The following FBXL14 variants were observed in gnomAD, a reference collection of about 807,000 sequenced individuals.
FBXL14 encodes F-box and leucine rich repeat protein 14, also known as F-box/LRR-repeat protein 14.
In FBXL14, 11 loss-of-function variants were observed where a neutral mutation model predicts 24.5. The ratio of observed to expected loss-of-function variants is 0.45; its 90% CI spans 0.28 to 0.74. The LOEUF (loss-of-function observed/expected upper bound fraction) is 0.74. FBXL14 is among the 30% of genes least tolerant of loss of function. The pLI, the probability that FBXL14 is intolerant of heterozygous loss-of-function variation, is 0.12. For synonymous variants in FBXL14, 294 were observed against 240.4 expected, an observed-to-expected ratio of 1.22 and a Z score of -2.06; for missense variants, 384 against 545.6, an observed-to-expected ratio of 0.70 and a Z score of 2.95.
chr12:1,580,398 C>G (rs1183923296), intron 1 of FBXL14, among the ~76,000 whole-genome samples: 1 of 152,154 alleles, frequency 6.6e-6, no homozygotes, highest in Admixed American at 6.5e-5. Flanking sequence ...CTCTCTACAT[C>G]TTTTTGAAGC....
chr12:1,569,394 GTTC>G lies in FBXL14; in HGVS notation c.1195-2587_1195-2585del, dbSNP rs2094441382. On this transcript the variant is annotated intron_variant, in intron 1 of 1. Coordinates refer to ENST00000339235, the MANE Select transcript of FBXL14 (RefSeq NM_152441.3). This position sits in a 1 kb window ranked among gnomAD's most constrained non-coding sequence, Gnocchi z 4.2. ...CATATGCTAAATAAGAAACCACTTC[GTTC>G]TTTTTTTTTTTTTTTTTGTCTGAGA... 2.2e-5 allele frequency among the ~76,000 whole-genome samples: 3 copies of G among 139,280 alleles called. No individual in the cohort carries two copies. Among genetic ancestry groups the G allele is most frequent in the Admixed American group, 1.5e-4 (2 of 13,744 alleles). 91.4% of individuals were successfully genotyped at this position (139,280 alleles called of 152,430 possible). A position where few individuals can be genotyped will look rare whatever the true frequency, so the allele number is the denominator to read the frequency against.
chr12:1,568,337 TA>T (rs750342401), intron 1 of FBXL14, among the ~76,000 whole-genome samples: 7 of 152,100 alleles, frequency 4.6e-5, no homozygotes, highest in Non-Finnish European at 2.9e-5. Flanking sequence ...TAAAGGAGAA[TA>T]AAGACTTTTT....
At chr12:1,571,397 G>A (rs1018748403) in intron 1 of FBXL14, among the ~76,000 whole-genome samples, 3 of 152,078 alleles carry the variant, frequency 2.0e-5, no homozygotes, top group Admixed American at 6.6e-5. Context: ...TAGTAGAGAC[G>A]GGGTTTCTCC....
intron 1 of FBXL14, among the ~76,000 whole-genome samples, chr12:1,590,607 A>C (rs750579413): frequency 6.6e-6 from 1 of 152,150 alleles, no homozygotes; most frequent in Non-Finnish European, 1.5e-5. Flanking sequence ...GTATTTCATT[A>C]ATCTGCCCCG....
Position 1,594,114 on chromosome 12 carries a change from C to A in FBXL14, c.-48G>T. On this transcript the variant is annotated 5_prime_UTR_variant, in exon 1 of 2. Coordinates refer to ENST00000339235, the MANE Select transcript of FBXL14 (RefSeq NM_152441.3). ...CGCTGGGGGGAGGAGGCGCGGGCCC[C>A]GCCGCTCCGGCCTCGGGCAGGCGAC... The A allele has an allele frequency of 1.4e-5, 19 of 1,316,204 alleles. No homozygotes were observed. Among genetic ancestry groups the A allele is most frequent in the Non-Finnish European group, 1.6e-5 (17 of 1,036,026 alleles). 81.5% of individuals were successfully genotyped at this position (1,316,204 alleles called of 1,614,324 possible).
chr12:1,589,064 C>T (rs1772563985), intron 1 of FBXL14, among the ~76,000 whole-genome samples: 1 of 151,238 alleles, frequency 6.6e-6, no homozygotes. Flanking sequence ...ACTAAATCTT[C>T]TCATCAAGCA....
In FBXL14 at chr12:1,594,115, G is replaced by A. The variant is rs548123930; in HGVS notation, c.-49C>T. 911 of 1,315,452 alleles carry A rather than the reference G, an allele frequency of 6.9e-4. No homozygotes were observed. Among genetic ancestry groups the A allele is most frequent in the Non-Finnish European group, 8.4e-4 (873 of 1,035,586 alleles). The allele number at this position is 1,315,452 out of a possible 1,614,324, so 81.5% of individuals were successfully genotyped here. ...GCTGGGGGGAGGAGGCGCGGGCCCCGCCGCTCCGGCCTCGGGCAGGCGACG... is the reference window on the plus strand; with the variant it reads ...GCTGGGGGGAGGAGGCGCGGGCCCCACCGCTCCGGCCTCGGGCAGGCGACG... On this transcript the variant is annotated 5_prime_UTR_variant, in exon 1 of 2. Transcript: ENST00000339235.
At chr12:1,570,070 C>T (rs940762784) in intron 1 of FBXL14, among the ~76,000 whole-genome samples, 12 of 152,298 alleles carry the variant, frequency 7.9e-5, no homozygotes, top group Admixed American at 3.9e-4. Context: ...CCCCTCTGGT[C>T]GAAACTCCGC....
intron 1 of FBXL14, among the ~76,000 whole-genome samples, chr12:1,581,896 G>A (rs1030702036): frequency 2.6e-5 from 4 of 152,186 alleles, no homozygotes; most frequent in East Asian, 1.9e-4. Flanking sequence ...AGGCTGAGGC[G>A]GGTAGATCAC....
At chr12:1,576,509 A>C (rs1414527697) in intron 1 of FBXL14, among the ~76,000 whole-genome samples, 1 of 152,212 alleles carries the variant, frequency 6.6e-6, no homozygotes, top group Non-Finnish European at 1.5e-5. Flanking sequence ...TGTTAACCTC[A>C]GTTCCCGCTC....
intron 1 of FBXL14, among the ~76,000 whole-genome samples, chr12:1,572,490 C>A (rs976788646): frequency 1.3e-5 from 2 of 152,210 alleles, no homozygotes; most frequent in Non-Finnish European, 2.9e-5. Context: ...CACCAGGCAC[C>A]CTGATCTTTA....
chr12:1,573,876 A>C (rs1407901653), intron 1 of FBXL14, among the ~76,000 whole-genome samples: 2 of 152,142 alleles, frequency 1.3e-5, no homozygotes, highest in African/African-American at 2.4e-5. Context: ...GTGGTGGCGC[A>C]TGCCTGTAAT....
rs373256977 is a variant in FBXL14, at chr12:1,589,031, T to A, written c.1194+3842A>T. 2.0e-5 allele frequency among the ~76,000 whole-genome samples: 3 copies of A among 151,526 alleles called. No individual in the cohort carries two copies. In the East Asian group the frequency reaches 5.9e-4, roughly 30 times the overall value. On this transcript the variant is annotated intron_variant, in intron 1 of 1. Transcript: ENST00000339235. ...TTCACTTCTATGAGGGTCACCTTAC[T>A]GGAAACCAAGGTATGACGAGTAACT...
intron 1 of FBXL14, 22 bp downstream of exon 1, chr12:1,592,851 G>A (rs368293309): frequency 1.3e-6 from 2 of 1,541,316 alleles, no homozygotes; most frequent in African/African-American, 2.7e-5. Flanking sequence ...AAGGGGAGCT[G>A]GTGCTGCCGC....
At position 1,593,573 on chromosome 12, in the gene FBXL14, G is replaced by T; in HGVS notation, c.494C>A (p.Ala165Asp). 6.2e-7 allele frequency: 1 copy of T among 1,614,180 alleles called. No homozygotes were observed. Among genetic ancestry groups the T allele is most frequent in the Non-Finnish European group, 8.5e-7 (1 of 1,180,034 alleles). Residue 165 changes from alanine (A) to aspartate (D), a missense_variant, in exon 1 of 2, where the codon GCC becomes GAC. Ala to Asp is a moderately radical substitution (Grantham distance 126, BLOSUM62 -2). Coordinates refer to ENST00000339235, the MANE Select transcript of FBXL14 (RefSeq NM_152441.3). The surrounding 1 kb of genome is among the most constrained non-coding windows in gnomAD (Gnocchi z 7.4). The part of the protein sequence containing the change: ...NITNTGLLLI[A>D]WGLQRLKSLN... ...GCTCTTGAGGCGCTGCAGACCCCAG[G>T]CGATGAGCAGAAGGCCAGTGTTGGT...
At chr12:1,578,782 C>T (rs1404196893) in intron 1 of FBXL14, among the ~76,000 whole-genome samples, 1 of 152,054 alleles carries the variant, frequency 6.6e-6, no homozygotes, top group Non-Finnish European at 1.5e-5. Context: ...GGAGGGGTGT[C>T]CATGAGGGGC....
chr12:1,579,146 A>G lies in FBXL14; in HGVS notation c.1195-12336T>C, dbSNP rs1316990366. ...AGAAGTATGAAAGCCGACATAAAATACGAATATGATCTTTGCATTAAGTAT... is the reference window on the plus strand; with the variant it reads ...AGAAGTATGAAAGCCGACATAAAATGCGAATATGATCTTTGCATTAAGTAT... On this transcript the variant is annotated intron_variant, in intron 1 of 1. Coordinates refer to ENST00000339235, the MANE Select transcript of FBXL14 (RefSeq NM_152441.3). This position sits in a 1 kb window ranked among gnomAD's most constrained non-coding sequence, Gnocchi z 4.3. 6.6e-6 allele frequency among the ~76,000 whole-genome samples: 1 copy of G among 152,112 alleles called. No homozygotes were observed. Among genetic ancestry groups the G allele is most frequent in the African/African-American group, 2.4e-5 (1 of 41,448 alleles).
chr12:1,568,875 G>C (rs2094440615), intron 1 of FBXL14, among the ~76,000 whole-genome samples: 1 of 152,008 alleles, frequency 6.6e-6, no homozygotes, highest in Non-Finnish European at 1.5e-5. Context: ...AAAAAAGATT[G>C]TCATAGTGGG....
At chr12:1,580,709 T>C (rs2094464621) in intron 1 of FBXL14, among the ~76,000 whole-genome samples, 1 of 151,958 alleles carries the variant, frequency 6.6e-6, no homozygotes, top group African/African-American at 2.4e-5. Flanking sequence ...CCAGCTGGGA[T>C]TTTTTCCCAT....
Sources: allele counts gnomAD v4.1 joint callset (sites outside exome capture counted in the v4.1 genomes callset), GRCh38; gene constraint gnomAD v4.1.1; non-coding constraint Gnocchi (gnomAD v3.1); transcripts MANE v1.5; gene names NCBI Gene and HGNC (gene_info 2026-07-23, HGNC 2026-07-21).